The following HDAC9 variants were observed in gnomAD, a reference collection of about 807,000 sequenced individuals.
HDAC9 encodes the protein MEF-2 interacting transcription repressor (MITR) protein.
A neutral mutation model predicts 139.4 loss-of-function variants in HDAC9; 41 were observed. That is an observed-to-expected ratio of 0.29 (90% CI 0.23 to 0.38). The LOEUF (loss-of-function observed/expected upper bound fraction) is 0.38. Among genes scored for constraint, HDAC9 ranks in the 10% least tolerant of loss-of-function variants. HDAC9 has a pLI of 1.00. For missense variants in HDAC9, 1,147 were observed against 1,297.0 expected, an observed-to-expected ratio of 0.88 and a Z score of 1.78; for synonymous variants, 517 against 476.2, an observed-to-expected ratio of 1.09 and a Z score of -1.12.
chr7:18,634,670 A>C lies in HDAC9; in HGVS notation c.840A>C (p.Ser280=), dbSNP rs1783344219. 6.9e-6 allele frequency: 11 copies of C among 1,595,606 alleles called. No homozygotes were observed. Among genetic ancestry groups the C allele is most frequent in the Non-Finnish European group, 9.4e-6 (11 of 1,170,002 alleles). ...GTTCTCCAGGCTCTGGTCCCAGTTC[A>C]CCAAACAATGGGCCAACTGGAAGTG... The part of the protein sequence containing the change: ...SSSSPGSGPS[S]PNNGPTGSVT... The change falls in exon 8 of 26, where the codon TCA becomes TCC. Residue 280 remains serine, a synonymous_variant. Coordinates refer to ENST00000686413, the MANE Select transcript of HDAC9 (RefSeq NM_178425.4).
At chr7:18,107,183 G>A (rs565358632) in intron 1 of HDAC9, among the ~76,000 whole-genome samples, 14 of 151,060 alleles carry the variant, frequency 9.3e-5, no homozygotes, top group South Asian at 2.1e-4. Context: ...GGGTGTTTGC[G>A]CTTCCCAAAT....
intron 11 of HDAC9, among the ~76,000 whole-genome samples, chr7:18,658,192 C>G (rs1004277950): frequency 6.6e-6 from 1 of 152,090 alleles, no homozygotes; most frequent in Admixed American, 6.6e-5. Flanking sequence ...TTTTCAGTTG[C>G]TAATTTTCTG....
chr7:18,547,866 T>TCCCTCCCTCCCTCCCC (rs1815639952), intron 2 of HDAC9, among the ~76,000 whole-genome samples: 1 of 78,552 alleles, frequency 1.3e-5, no homozygotes, highest in African/African-American at 5.1e-5. Flanking sequence ...CTACCCTCCC[T>TCCCTCCCTCCCTCCCC]CCCTCCCTCC....
intron 2 of HDAC9, among the ~76,000 whole-genome samples, chr7:18,228,770 G>C (rs1793240828): frequency 6.6e-6 from 1 of 152,172 alleles, no homozygotes; most frequent in Admixed American, 6.5e-5. Flanking sequence ...CAGGAAGAAA[G>C]TTTAGCCTGA....
At chr7:18,614,713 C>T (rs1370557425) in intron 6 of HDAC9, among the ~76,000 whole-genome samples, 1 of 152,162 alleles carries the variant, frequency 6.6e-6, no homozygotes, top group East Asian at 1.9e-4. Context: ...TTCTACCCAT[C>T]ATAAGTACAA....
intron 25 of HDAC9, among the ~76,000 whole-genome samples, chr7:18,993,317 G>A (rs549166814): frequency 5.3e-5 from 8 of 152,252 alleles, no homozygotes; most frequent in South Asian, 2.1e-4. Flanking sequence ...TCTCATAACC[G>A]TGAGGGCAAG....
chr7:18,289,615 G>T (rs1797681612), upstream of HDAC9, among the ~76,000 whole-genome samples: 1 of 152,104 alleles, frequency 6.6e-6, no homozygotes, highest in Non-Finnish European at 1.5e-5. Flanking sequence ...GATATGGTGG[G>T]AAAGGCACTT....
chr7:18,717,396 C>T (rs969825433), intron 12 of HDAC9, among the ~76,000 whole-genome samples: 3 of 151,876 alleles, frequency 2.0e-5, no homozygotes, highest in African/African-American at 7.3e-5. Context: ...CTGAGCACTT[C>T]ACCTTCCACC....
chr7:18,207,279 A>G (rs1006731542), intron 2 of HDAC9, among the ~76,000 whole-genome samples: 1 of 152,140 alleles, frequency 6.6e-6, no homozygotes, highest in Non-Finnish European at 1.5e-5. Context: ...CAACTTAATA[A>G]TAATAAAATG....
intron 22 of HDAC9, among the ~76,000 whole-genome samples, chr7:18,882,075 A>G (rs2129256845): frequency 6.6e-6 from 1 of 152,282 alleles, no homozygotes; most frequent in East Asian, 1.9e-4. Context: ...AGTGCCTGGA[A>G]CATAGTCTAA....
intron 1 of HDAC9, among the ~76,000 whole-genome samples, chr7:18,361,058 T>A (rs984410456): frequency 6.6e-6 from 1 of 152,198 alleles, no homozygotes; most frequent in African/African-American, 2.4e-5. Flanking sequence ...GTGTTTCTCC[T>A]CTTCTGAGAA....
At chr7:18,762,409 G>C in intron 15 of HDAC9, 132 bp downstream of exon 15, 3 of 914,778 alleles carry the variant, frequency 3.3e-6, no homozygotes, top group South Asian at 4.0e-5. Flanking sequence ...TTGCTCTGTG[G>C]AGTGAGTCAT....
intron 1 of HDAC9, among the ~76,000 whole-genome samples, chr7:18,477,459 A>G (rs1016898685): frequency 6.6e-6 from 1 of 152,174 alleles, no homozygotes; most frequent in African/African-American, 2.4e-5. Context: ...TATTTCAGGA[A>G]CCAAAAGACT....
At chr7:18,524,276 C>G (rs559043088) in intron 2 of HDAC9, among the ~76,000 whole-genome samples, 2 of 152,060 alleles carry the variant, frequency 1.3e-5, no homozygotes, top group East Asian at 1.9e-4. Context: ...TATTAATACT[C>G]TAAGAGAACT....
chr7:18,638,506 T>C (rs1430867273), intron 8 of HDAC9, among the ~76,000 whole-genome samples: 2 of 152,204 alleles, frequency 1.3e-5, no homozygotes, highest in African/African-American at 2.4e-5. Flanking sequence ...CTTGTCATCA[T>C]TGGTCAAGTT....
chr7:18,110,331 A>T (rs114174192), intron 1 of HDAC9, among the ~76,000 whole-genome samples: 1 of 152,208 alleles, frequency 6.6e-6, no homozygotes, highest in Non-Finnish European at 1.5e-5. Flanking sequence ...AAGAGGATAG[A>T]TATAGTCATA....
chr7:18,862,814 AAGAC>A (rs1187177900), intron 21 of HDAC9, among the ~76,000 whole-genome samples: 1 of 152,232 alleles, frequency 6.6e-6, no homozygotes, highest in African/African-American at 2.4e-5. Context: ...AAGAATTATG[AAGAC>A]AGAAAGAGAA....
intron 1 of HDAC9, among the ~76,000 whole-genome samples, chr7:18,110,802 T>G (rs1015579311): frequency 2.0e-5 from 3 of 152,124 alleles, no homozygotes; most frequent in Admixed American, 6.6e-5. Context: ...ACGGGGAGTC[T>G]AAACTGAGGT....
At chr7:18,918,724 C>T (rs1386811912) in intron 22 of HDAC9, among the ~76,000 whole-genome samples, 1 of 151,986 alleles carries the variant, frequency 6.6e-6, no homozygotes, top group East Asian at 1.9e-4. Flanking sequence ...TCACCAGAAA[C>T]AAAACATGAA....
Sources: gnomAD v4.1 joint callset for allele counts (sites outside exome capture counted in the v4.1 genomes callset) on GRCh38, gnomAD v4.1.1 for gene constraint, MANE v1.5 for transcripts, NCBI Gene and HGNC (gene_info 2026-07-23, HGNC 2026-07-21) for gene names.